The following MACROD2 variants were observed in gnomAD, a reference collection of about 807,000 sequenced individuals.
MACROD2 encodes ADP-ribose glycohydrolase MACROD2.
In MACROD2, 36 loss-of-function variants were observed where a neutral mutation model predicts 70.4. The ratio of observed to expected loss-of-function variants is 0.51; its 90% CI spans 0.39 to 0.68. The LOEUF (loss-of-function observed/expected upper bound fraction) is 0.68, where lower values mean the gene tolerates loss of function less well. Among genes scored for constraint, MACROD2 ranks in the 30% least tolerant of loss-of-function variants. The pLI is 0.00. For synonymous variants in MACROD2, 172 were observed against 178.8 expected, an observed-to-expected ratio of 0.96 and a Z score of 0.30; for missense variants, 496 against 538.4, an observed-to-expected ratio of 0.92 and a Z score of 0.78.
intron 4 of MACROD2, among the ~76,000 whole-genome samples, chr20:14,642,227 A>T (rs1361262465): frequency 4.6e-5 from 7 of 152,100 alleles, no homozygotes; most frequent in Admixed American, 4.6e-4. Context: ...CCATTCTCAG[A>T]CTTCATAGAA....
chr20:15,418,600 T>C (rs923998412), intron 6 of MACROD2, among the ~76,000 whole-genome samples: 1 of 152,158 alleles, frequency 6.6e-6, no homozygotes, highest in Non-Finnish European at 1.5e-5. Flanking sequence ...ACCTTCAACT[T>C]CCTAATTAAG....
At chr20:15,726,658 G>A (rs2050866835) in intron 8 of MACROD2, among the ~76,000 whole-genome samples, 1 of 152,046 alleles carries the variant, frequency 6.6e-6, no homozygotes, top group South Asian at 2.1e-4. Context: ...TTGTGGTTTT[G>A]ATTTGTGGTT....
chr20:14,432,134 A>G (rs973624267), intron 3 of MACROD2, among the ~76,000 whole-genome samples: 11 of 152,130 alleles, frequency 7.2e-5, no homozygotes, highest in Non-Finnish European at 1.6e-4. Flanking sequence ...GCCTTCTATG[A>G]TGTGCTCGCC....
chr20:15,832,113 A>G (rs2064062668), intron 8 of MACROD2, among the ~76,000 whole-genome samples: 1 of 151,342 alleles, frequency 6.6e-6, no homozygotes, highest in African/African-American at 2.4e-5. Context: ...TCAAAATGGA[A>G]AAAAGTTCCA....
intron 5 of MACROD2, among the ~76,000 whole-genome samples, chr20:15,210,414 G>A (rs1447190229): frequency 6.6e-6 from 1 of 152,062 alleles, no homozygotes; most frequent in East Asian, 1.9e-4. Context: ...TGCCTTCCGT[G>A]TTTTGCATAT....
At chr20:14,746,319 C>A (rs1210811703) in intron 5 of MACROD2, among the ~76,000 whole-genome samples, 2 of 152,078 alleles carry the variant, frequency 1.3e-5, no homozygotes, top group Non-Finnish European at 2.9e-5. Context: ...GAGGAGCTGA[C>A]ATAAAAGTAT....
At chr20:14,229,707 T>C (rs1359567449) in intron 3 of MACROD2, among the ~76,000 whole-genome samples, 1 of 152,220 alleles carries the variant, frequency 6.6e-6, no homozygotes, top group Non-Finnish European at 1.5e-5. Context: ...ATGCTTCTAG[T>C]ATTTACCCTG....
At chr20:15,960,401 A>C (rs2066042789) in intron 12 of MACROD2, among the ~76,000 whole-genome samples, 1 of 152,220 alleles carries the variant, frequency 6.6e-6, no homozygotes, top group Non-Finnish European at 1.5e-5. Flanking sequence ...GGAGAATAGG[A>C]TGAGCATTCT....
intron 5 of MACROD2, among the ~76,000 whole-genome samples, chr20:14,867,651 A>G (rs1316019970): frequency 3.3e-5 from 5 of 152,020 alleles, no homozygotes; most frequent in African/African-American, 1.2e-4. Flanking sequence ...TCCAGCGGTA[A>G]TTACATTTCT....
chr20:15,634,127 A>C (rs2049331314), intron 8 of MACROD2, among the ~76,000 whole-genome samples: 1 of 152,250 alleles, frequency 6.6e-6, no homozygotes, highest in Non-Finnish European at 1.5e-5. Context: ...ATGAGCATAC[A>C]GGTAAAATGA....
chr20:16,012,229 C>G (rs547790693), intron 15 of MACROD2, among the ~76,000 whole-genome samples: 1 of 152,340 alleles, frequency 6.6e-6, no homozygotes, highest in East Asian at 1.9e-4. Context: ...CCTTGCCCCA[C>G]TTATCTACAA....
At chr20:15,199,007 C>CTTTTTT in intron 5 of MACROD2, among the ~76,000 whole-genome samples, 1 of 118,630 alleles carries the variant, frequency 8.4e-6, no homozygotes, top group Non-Finnish European at 1.7e-5. Flanking sequence ...ATCTGGACTT[C>CTTTTTT]TTTTTTTTTT....
intron 8 of MACROD2, among the ~76,000 whole-genome samples, chr20:15,736,161 C>T (rs1307219299): frequency 6.6e-6 from 1 of 152,178 alleles, no homozygotes; most frequent in Admixed American, 6.5e-5. Context: ...ATAGCATTGC[C>T]ACATTGCAGA....
intron 5 of MACROD2, among the ~76,000 whole-genome samples, chr20:15,204,801 A>G (rs1601222801): frequency 6.6e-6 from 1 of 152,156 alleles, no homozygotes; most frequent in East Asian, 1.9e-4. Context: ...GAGAATTTCT[A>G]TACTAGAGTG....
intron 2 of MACROD2, among the ~76,000 whole-genome samples, chr20:14,017,337 G>T (rs938323198): frequency 6.6e-6 from 1 of 151,978 alleles, no homozygotes; most frequent in Non-Finnish European, 1.5e-5. Flanking sequence ...TGATTACTCT[G>T]GCTAAAACTT....
intron 3 of MACROD2, among the ~76,000 whole-genome samples, chr20:14,423,755 A>ATTTTTTT (rs1165796772): frequency 7.9e-5 from 5 of 63,104 alleles, no homozygotes; most frequent in African/African-American, 1.2e-4. Flanking sequence ...GACATCTTAA[A>ATTTTTTT]TTTTTTTTTT....
intron 3 of MACROD2, among the ~76,000 whole-genome samples, chr20:14,303,081 G>A (rs1397120657): frequency 6.6e-6 from 1 of 152,202 alleles, no homozygotes; most frequent in Non-Finnish European, 1.5e-5. Context: ...CAGTGGAGAG[G>A]TGGAGCCACT....
At chr20:14,078,600 G>T (rs1036563600) in intron 2 of MACROD2, among the ~76,000 whole-genome samples, 10 of 152,006 alleles carry the variant, frequency 6.6e-5, no homozygotes, top group Non-Finnish European at 1.2e-4. Flanking sequence ...AGAGAAGGGG[G>T]TTTCACCATG....
At chr20:14,592,178 C>T (rs998308365) in intron 4 of MACROD2, among the ~76,000 whole-genome samples, 3 of 151,918 alleles carry the variant, frequency 2.0e-5, no homozygotes, top group African/African-American at 7.3e-5. Context: ...AATATATACA[C>T]GATATGGTTA....
Sources: allele counts gnomAD v4.1 joint callset (sites outside exome capture counted in the v4.1 genomes callset), GRCh38; gene constraint gnomAD v4.1.1; transcripts MANE v1.5; gene names NCBI Gene and HGNC (gene_info 2026-07-23, HGNC 2026-07-21).